ANKRD31: variants seen among roughly 807,000 people sequenced by gnomAD.
The protein encoded by ANKRD31 is ankyrin repeat domain 31.
In ANKRD31, 147 loss-of-function variants were observed where a neutral mutation model predicts 186.0. The ratio of observed to expected loss-of-function variants is 0.79; its 90% CI spans 0.69 to 0.91. The LOEUF (loss-of-function observed/expected upper bound fraction) is 0.91. Ranked by LOEUF, ANKRD31 falls within the 40% of genes least tolerant of loss-of-function variation. The probability of loss-of-function intolerance (pLI) is 0.00; values close to 1 mark genes in which losing one functional copy is unlikely to be tolerated. For synonymous variants in ANKRD31, 673 were observed against 736.4 expected, an observed-to-expected ratio of 0.91 and a Z score of 1.39; for missense variants, 1,986 against 2,148.8, an observed-to-expected ratio of 0.92 and a Z score of 1.50.
intron 20 of ANKRD31, among the ~76,000 whole-genome samples, chr5:75,112,251 G>C (rs993183713): frequency 1.3e-5 from 2 of 152,078 alleles, no homozygotes; most frequent in Non-Finnish European, 2.9e-5. Context: ...CCAGCATCTA[G>C]AAGTATCTTT....
At chr5:75,107,171 G>A (rs1409951549) in intron 21 of ANKRD31, among the ~76,000 whole-genome samples, 1 of 151,968 alleles carries the variant, frequency 6.6e-6, no homozygotes, top group African/African-American at 2.4e-5. Flanking sequence ...AAGGACGTTT[G>A]TGACAGCAAA....
chr5:75,180,602 T>C (rs1754207345), intron 10 of ANKRD31, among the ~76,000 whole-genome samples: 2 of 152,170 alleles, frequency 1.3e-5, no homozygotes, highest in South Asian at 2.1e-4. Flanking sequence ...TATCTGATCT[T>C]TGACAAACCT....
intron 5 of ANKRD31, among the ~76,000 whole-genome samples, chr5:75,203,032 A>C (rs890927787): frequency 6.6e-6 from 1 of 152,206 alleles, no homozygotes; most frequent in Non-Finnish European, 1.5e-5. Context: ...TTGCCACTTC[A>C]AATTCCTGGG....
chr5:75,180,422 C>T (rs552928865), intron 10 of ANKRD31, among the ~76,000 whole-genome samples: 2 of 152,132 alleles, frequency 1.3e-5, no homozygotes, highest in African/African-American at 4.8e-5. Context: ...GCCCGCATCG[C>T]CAAGTCAATC....
chr5:75,234,826 C>T (rs930218762), intron 1 of ANKRD31, among the ~76,000 whole-genome samples: 7 of 105,454 alleles, frequency 6.6e-5, no homozygotes, highest in African/African-American at 2.2e-4. Context: ...TCTTGTAATA[C>T]TTTTTGGTTT....
In ANKRD31 at chr5:75,126,253, C is replaced by T. The variant is rs141687792; in HGVS notation, c.3877-7956G>A. Among the ~76,000 whole-genome samples the T allele has an allele frequency of 1.1e-3, 171 of 152,206 alleles. 1 individual carries two copies. In the East Asian group the frequency reaches 0.027, roughly 24 times the overall value. ...GGTCAGGAGTTCGAGACCAGCCTGGCCAACATGCTGAAACCCCGTCTCTAC... is the reference window on the plus strand; with the variant it reads ...GGTCAGGAGTTCGAGACCAGCCTGGTCAACATGCTGAAACCCCGTCTCTAC... On this transcript the variant is annotated intron_variant, in intron 17 of 25. Transcript: ENST00000506364.
Position 75,195,839 on chromosome 5 carries a change from G to C in ANKRD31, c.809C>G (p.Ser270Trp). Residue 270 changes from serine to tryptophan, a missense_variant, in exon 7 of 26, where the codon TCG becomes TGG. By Grantham distance (177) the Ser-to-Trp change is radical (BLOSUM62 -3). Coordinates refer to ENST00000506364, the MANE Select transcript of ANKRD31 (RefSeq NM_001372053.1). ...SSISIPLNSW[S>W]ACHRDLLEDA... is the part of the protein sequence containing the mutation. ...TTCTAGTAAATCTCTATGACATGCCGACCAGGAATTCAAAGGTATTGATAT... is the reference window on the plus strand; with the variant it reads ...TTCTAGTAAATCTCTATGACATGCCCACCAGGAATTCAAAGGTATTGATAT... The C allele has an allele frequency of 6.5e-7, 1 of 1,537,122 alleles. No individual in the cohort carries two copies. The highest frequency in any genetic ancestry group is 8.7e-7 in the Non-Finnish European group (1 of 1,146,808).
chr5:75,181,287 G>A (rs1315493439), intron 10 of ANKRD31, among the ~76,000 whole-genome samples: 1 of 152,082 alleles, frequency 6.6e-6, no homozygotes, highest in Non-Finnish European at 1.5e-5. Context: ...ACTGTTGGTG[G>A]GACTGTAAAC....
At chr5:75,120,057 T>C (rs1748631484) in intron 17 of ANKRD31, among the ~76,000 whole-genome samples, 1 of 151,496 alleles carries the variant, frequency 6.6e-6, no homozygotes, top group African/African-American at 2.4e-5. Flanking sequence ...GTGTTAAAAA[T>C]AAATTTATAA....
intron 15 of ANKRD31, among the ~76,000 whole-genome samples, chr5:75,139,854 T>C (rs566776087): frequency 6.6e-6 from 1 of 152,174 alleles, no homozygotes; most frequent in East Asian, 1.9e-4. Context: ...TTAATATCTT[T>C]TATATAAGAT....
In ANKRD31 at chr5:75,195,756, C is replaced by T. The variant is rs756402821; in HGVS notation, c.892G>A (p.Glu298Lys). The change falls in exon 7 of 26, where the codon GAA becomes AAA. Residue 298 changes from glutamate to lysine, a missense_variant. Transcript: ENST00000506364. ...ELLEALNTLS[E>K]AKVETICHRK... ...TGACAGATGGTTTCCACCTTGGCTT[C>T]TGACAATGTGTTCAGGGCTTCCAAT... 3.3e-5 allele frequency: 50 copies of T among 1,537,516 alleles called. 2 individuals are homozygous for T. The South Asian group carries it at 5.9e-4, about 18-fold the overall frequency.
intron 9 of ANKRD31, among the ~76,000 whole-genome samples, chr5:75,189,865 C>CT (rs1754985189): frequency 6.6e-6 from 1 of 152,064 alleles, no homozygotes; most frequent in African/African-American, 2.4e-5. Context: ...TATGGTTCCT[C>CT]TTTTTTAGCT....
At chr5:75,160,992 G>A (rs984887826) in intron 11 of ANKRD31, among the ~76,000 whole-genome samples, 1 of 152,124 alleles carries the variant, frequency 6.6e-6, no homozygotes, top group African/African-American at 2.4e-5. Context: ...AAATTGCCCA[G>A]TCTTGGGTAT....
At chr5:75,207,444 C>G (rs1040863043) in intron 4 of ANKRD31, among the ~76,000 whole-genome samples, 1 of 151,970 alleles carries the variant, frequency 6.6e-6, no homozygotes, top group Non-Finnish European at 1.5e-5. Context: ...GAAAATAGAG[C>G]AAAGCTTCAT....
chr5:75,205,062 T>C (rs1756079799), intron 5 of ANKRD31, among the ~76,000 whole-genome samples: 1 of 152,072 alleles, frequency 6.6e-6, no homozygotes, highest in African/African-American at 2.4e-5. Context: ...ATGGGGGTCT[T>C]GCTGTGTTTC....
At chr5:75,201,554 G>A (rs1201688971) in intron 5 of ANKRD31, among the ~76,000 whole-genome samples, 4 of 152,128 alleles carry the variant, frequency 2.6e-5, no homozygotes, top group Non-Finnish European at 5.9e-5. Context: ...TTCCTTCTCC[G>A]AATCATAAGA....
At chr5:75,114,941 C>G (rs544614117) in intron 19 of ANKRD31, among the ~76,000 whole-genome samples, 1,716 of 152,266 alleles carry the variant, frequency 0.011, 21 homozygotes, top group South Asian at 0.017. Context: ...AAAGAGCCCG[C>G]ATCGCCAAGT....
At chr5:75,205,738 T>C (rs973954017) in intron 5 of ANKRD31, among the ~76,000 whole-genome samples, 21 of 152,152 alleles carry the variant, frequency 1.4e-4, no homozygotes, top group Non-Finnish European at 2.9e-4. Flanking sequence ...ATCCTTTTCT[T>C]ATAATACTAG....
intron 5 of ANKRD31, among the ~76,000 whole-genome samples, chr5:75,203,316 G>A (rs1263459976): frequency 6.6e-6 from 1 of 152,130 alleles, no homozygotes; most frequent in Non-Finnish European, 1.5e-5. Context: ...TTGGGTATGA[G>A]AAAAATAAAA....
Sources: gnomAD v4.1 joint callset for allele counts (sites outside exome capture counted in the v4.1 genomes callset) on GRCh38, gnomAD v4.1.1 for gene constraint, MANE v1.5 for transcripts, NCBI Gene and HGNC (gene_info 2026-07-23, HGNC 2026-07-21) for gene names.